Variants in PHACTR4 observed in about 807,000 individuals in gnomAD.
PHACTR4 encodes phosphatase and actin regulator 4.
In PHACTR4, 51 loss-of-function variants were observed where a neutral mutation model predicts 72.7. That is an observed-to-expected ratio of 0.70 (90% CI 0.56 to 0.89). The LOEUF is 0.89. Ranked by LOEUF, PHACTR4 falls within the 40% of genes least tolerant of loss-of-function variation. The pLI, the probability that PHACTR4 is intolerant of heterozygous loss-of-function variation, is 0.00. For synonymous variants in PHACTR4, 255 were observed against 302.5 expected (o/e 0.84, Z 1.63); for missense variants, 731 against 861.8 (o/e 0.85, Z 1.90).
intron 4 of PHACTR4, among the ~76,000 whole-genome samples, chr1:28,465,383 C>A (rs1393266594): frequency 6.6e-6 from 1 of 152,048 alleles, no homozygotes; most frequent in African/African-American, 2.4e-5. Context: ...TGGCGTGAAC[C>A]CGGGAGGCAG....
intron 1 of PHACTR4, among the ~76,000 whole-genome samples, chr1:28,391,464 ATGG>A (rs1653026147): frequency 6.6e-6 from 1 of 151,664 alleles, no homozygotes; most frequent in Non-Finnish European, 1.5e-5. Context: ...AGAGAATAAA[ATGG>A]TGGTTACCAG....
In PHACTR4 at chr1:28,491,671, G is replaced by A. The variant is rs1661045734; in HGVS notation, c.1900G>A (p.Ala634Thr). 1.9e-6 allele frequency: 3 copies of A among 1,613,878 alleles called. No homozygotes were observed. The highest frequency in any genetic ancestry group is 1.7e-5 in the Admixed American group (1 of 59,982). ...TRKLSQRPTV[A>T]ELLARKILRF... Reference sequence around the variant, plus strand: ...TCAGCTCAGTCAAAGGCCAACTGTCGCTGAACTCCTTGCCAGGAAGATTCT... The same window carrying A: ...TCAGCTCAGTCAAAGGCCAACTGTCACTGAACTCCTTGCCAGGAAGATTCT... The change falls in exon 12 of 14, where the codon GCT (alanine) becomes ACT (threonine). Residue 634 changes from alanine (A) to threonine (T), a missense_variant. Physicochemically the swap from Ala to Thr is moderately conservative, Grantham distance 58. Coordinates refer to ENST00000373839, the MANE Select transcript of PHACTR4 (RefSeq NM_001048183.3).
chr1:28,405,795 G>A (rs1408732100), intron 1 of PHACTR4, among the ~76,000 whole-genome samples: 1 of 151,824 alleles, frequency 6.6e-6, no homozygotes, highest in Non-Finnish European at 1.5e-5. Context: ...GGAGGCTGAG[G>A]CAGGAGAATC....
At position 28,416,923 on chromosome 1, in the gene PHACTR4, CTTTT is replaced by C. The variant is rs1655139845; in HGVS notation, c.16+9462_16+9465del. Among the ~76,000 whole-genome samples the C allele has an allele frequency of 2.0e-5, 3 of 151,948 alleles. No homozygotes were observed. In the South Asian group the frequency reaches 6.2e-4, roughly 32 times the overall value. On this transcript the variant is annotated intron_variant, in intron 2 of 13. Coordinates refer to ENST00000373839, the MANE Select transcript of PHACTR4 (RefSeq NM_001048183.3). ...TAGGTTTTATTTTAAGTTGTTGATT[CTTTT>C]TGAGTTAATTTTTAGATATGGTACA... is the stretch of plus-strand genomic sequence containing the variant.
At chr1:28,395,354 T>C (rs1653413899) in intron 1 of PHACTR4, among the ~76,000 whole-genome samples, 1 of 152,218 alleles carries the variant, frequency 6.6e-6, no homozygotes, top group Non-Finnish European at 1.5e-5. Flanking sequence ...CTTCCTGTGC[T>C]CTGTAAGCAT....
At chr1:28,488,987 G>A (rs1660874711) in intron 9 of PHACTR4, among the ~76,000 whole-genome samples, 183 bp from the exon 10 acceptor site, 1 of 152,108 alleles carries the variant, frequency 6.6e-6, no homozygotes. Flanking sequence ...TGTGATATCT[G>A]TGTTAACACT....
chr1:28,466,831 T>C (rs1659206565), intron 6 of PHACTR4, 63 bp downstream of exon 6: 6 of 1,527,970 alleles, frequency 3.9e-6, no homozygotes, highest in African/African-American at 2.8e-5. Context: ...GTTATTTTAT[T>C]TGATAACTGG....
chr1:28,476,390 T>A (rs1431636502), intron 8 of PHACTR4, 99 bp downstream of exon 8: 1 of 1,187,220 alleles, frequency 8.4e-7, no homozygotes, highest in Non-Finnish European at 1.1e-6. Context: ...AACAGGTACC[T>A]TCTCCCATTA....
intron 2 of PHACTR4, among the ~76,000 whole-genome samples, chr1:28,411,888 A>AGAAC (rs1324574569): frequency 3.3e-5 from 5 of 152,228 alleles, no homozygotes; most frequent in Non-Finnish European, 5.9e-5. Flanking sequence ...AAAGAAAGAA[A>AGAAC]GAACGAATGA....
At chr1:28,424,017 A>G (rs1347492848) in intron 2 of PHACTR4, among the ~76,000 whole-genome samples, 2 of 152,028 alleles carry the variant, frequency 1.3e-5, no homozygotes, top group African/African-American at 4.8e-5. Flanking sequence ...ACCAGTTTTT[A>G]CCATTTAGGG....
intron 9 of PHACTR4, among the ~76,000 whole-genome samples, chr1:28,486,302 G>A (rs948818701): frequency 5.3e-5 from 8 of 152,066 alleles, no homozygotes; most frequent in African/African-American, 1.9e-4. Flanking sequence ...GTTACAGTGA[G>A]CCAAGATCGG....
chr1:28,426,814 C>T (rs1000112125), intron 2 of PHACTR4, among the ~76,000 whole-genome samples: 18 of 151,592 alleles, frequency 1.2e-4, no homozygotes, highest in African/African-American at 4.1e-4. Flanking sequence ...TCCCAAAGTG[C>T]TGGGATTACA....
intron 2 of PHACTR4, among the ~76,000 whole-genome samples, chr1:28,443,273 CTCTCTCTCT>C (rs1244524988): frequency 3.1e-5 from 2 of 65,224 alleles, no homozygotes; most frequent in East Asian, 2.4e-4. Context: ...GTCTTTCTTT[CTCTCTCTCT>C]CTTCTTTCTT....
At chr1:28,405,273 G>A (rs574268115) in intron 1 of PHACTR4, among the ~76,000 whole-genome samples, 1 of 151,978 alleles carries the variant, frequency 6.6e-6, no homozygotes, top group Admixed American at 6.6e-5. Flanking sequence ...CCCATTCTGT[G>A]GGTTGCCTTA....
chr1:28,460,267 G>A lies in PHACTR4; in HGVS notation c.246G>A (p.Gly82=). ...RKPREELVKR[G]VLLEDPEQGG... The stretch of plus-strand genomic sequence containing the variant: ...CAAGAGAAGAGCTGGTTAAAAGAGG[G>A]GTTCTGTTGGAAGACCCTGAGCAAG... The change falls in exon 4 of 14, where the codon GGG becomes GGA. Residue 82 remains glycine, a synonymous_variant. Coordinates refer to ENST00000373839, the MANE Select transcript of PHACTR4 (RefSeq NM_001048183.3). 1.2e-6 allele frequency: 2 copies of A among 1,613,596 alleles called. No homozygotes were observed. The highest frequency in any genetic ancestry group is 2.7e-5 in the African/African-American group (2 of 75,012).
chr1:28,471,111 G>A (rs1165175273), intron 6 of PHACTR4, among the ~76,000 whole-genome samples: 2 of 152,276 alleles, frequency 1.3e-5, no homozygotes, highest in South Asian at 4.1e-4. Flanking sequence ...ACTTTGGGAG[G>A]CCGAGGCGGG....
intron 7 of PHACTR4, among the ~76,000 whole-genome samples, chr1:28,474,668 G>A (rs1411452726): frequency 1.3e-5 from 2 of 151,278 alleles, no homozygotes; most frequent in Non-Finnish European, 2.9e-5. Context: ...TCAGCCTCCC[G>A]AGTAGCTGAG....
At chr1:28,427,817 G>C (rs1362688509) in intron 2 of PHACTR4, among the ~76,000 whole-genome samples, 1 of 152,160 alleles carries the variant, frequency 6.6e-6, no homozygotes, top group Non-Finnish European at 1.5e-5. Flanking sequence ...AATGATACCT[G>C]ACACATTAGA....
rs1651600781 is a variant in PHACTR4, at chr1:28,375,672, C to G, written c.-39+5847C>G. On this transcript the variant is annotated intron_variant, in intron 1 of 13. Transcript: ENST00000373839. ...CCACACTACAGCCTGTGTGGCAGAG[C>G]TGGAGACCCTGTTTCAAAAAATAAG... Among the ~76,000 whole-genome samples the G allele has an allele frequency of 3.3e-5, 5 of 152,144 alleles. No individual in the cohort carries two copies. In the South Asian group the frequency reaches 1.0e-3, roughly 32 times the overall value.
Sources: allele counts gnomAD v4.1 joint callset (sites outside exome capture counted in the v4.1 genomes callset), GRCh38; gene constraint gnomAD v4.1.1; transcripts MANE v1.5; gene names NCBI Gene and HGNC (gene_info 2026-07-23, HGNC 2026-07-21).